Variants in PHF3 observed in about 807,000 individuals in gnomAD.
PHF3 encodes PHD finger protein 3.
Under a neutral mutation model 178.4 loss-of-function variants are expected in PHF3, and 41 were observed. The observed-to-expected ratio is 0.23, with a 90% CI of 0.18 to 0.30. The LOEUF is 0.30. PHF3 is among the 10% of genes least tolerant of loss of function. The pLI is 1.00. For synonymous variants in PHF3, 842 were observed against 800.5 expected, an observed-to-expected ratio of 1.05 and a Z score of -0.88; for missense variants, 2,346 against 2,398.1, an observed-to-expected ratio of 0.98 and a Z score of 0.45.
At chr6:63,693,098 G>A (rs747938483) in intron 5 of PHF3, among the ~76,000 whole-genome samples, 1 of 152,070 alleles carries the variant, frequency 6.6e-6, no homozygotes, top group African/African-American at 2.4e-5. Flanking sequence ...TCTGATACGT[G>A]TTATTACTTT....
chr6:63,695,984 A>G (rs140772437), intron 6 of PHF3, among the ~76,000 whole-genome samples: 48 of 152,304 alleles, frequency 3.2e-4, no homozygotes, highest in Middle Eastern at 6.8e-3. Context: ...GGAGGTTGGT[A>G]TATAAATTTG....
At chr6:63,691,653 T>A (rs530361661) in intron 4 of PHF3, 84 bp from the exon 5 acceptor site, 37 of 1,194,366 alleles carry the variant, frequency 3.1e-5, no homozygotes, top group Non-Finnish European at 4.4e-5. Context: ...AATCAGATAT[T>A]GAAAATTTAA....
Position 63,684,548 on chromosome 6 carries a change from T to C in PHF3, c.826T>C (p.Cys276Arg). 1 of 1,613,760 alleles carries C rather than the reference T, an allele frequency of 6.2e-7. No individual in the cohort carries two copies. Among genetic ancestry groups the C allele is most frequent in the Non-Finnish European group, 8.5e-7 (1 of 1,179,866 alleles). ...AAAGAAAAATGAAGCTTTGATGGAA[T>C]GTAAAGCCAAGCCTGTTGGTAGTCC... Reference protein sequence around the residue: ...GEKKNEALMECKAKPVGSPLF... With the variant: ...GEKKNEALMERKAKPVGSPLF... Residue 276 changes from cysteine to arginine, a missense_variant, in exon 4 of 16, where the codon TGT (cysteine) becomes CGT (arginine). By Grantham distance (180) the Cys-to-Arg change is radical. Coordinates refer to ENST00000262043, the MANE Select transcript of PHF3 (RefSeq NM_001370348.2).
At chr6:63,675,294 A>T (rs1766116769) in intron 2 of PHF3, among the ~76,000 whole-genome samples, 1 of 152,216 alleles carries the variant, frequency 6.6e-6, no homozygotes, top group African/African-American at 2.4e-5. Context: ...AGGCAGGACT[A>T]GTAGGGAGTT....
rs139590391 is a variant in PHF3 at position 63,642,197 on chromosome 6, A to T, written c.-25-4330A>T. Among the ~76,000 whole-genome samples the T allele has an allele frequency of 5.2e-3, 796 of 152,324 alleles. 5 individuals carry two copies. Among genetic ancestry groups the T allele is most frequent in the African/African-American group, 0.018 (757 of 41,568 alleles). On this transcript the variant is annotated intron_variant, in intron 1 of 15. Transcript: ENST00000262043. The stretch of plus-strand genomic sequence containing the variant: ...TAAATGGTCCATCAGGACCAAACTC[A>T]GCCATTCATAATTAAGACATGCTGT...
At chr6:63,698,127 G>A (rs949104402) in intron 6 of PHF3, 96 bp from the exon 7 acceptor site, 1 of 941,360 alleles carries the variant, frequency 1.1e-6, no homozygotes, top group Non-Finnish European at 1.6e-6. Flanking sequence ...TTTCTAAATA[G>A]TGACTTTTAA....
At chr6:63,671,598 G>A (rs1179484329) in intron 2 of PHF3, among the ~76,000 whole-genome samples, 2 of 152,132 alleles carry the variant, frequency 1.3e-5, no homozygotes, top group Non-Finnish European at 2.9e-5. Flanking sequence ...GGCAAGTAAA[G>A]TACATTCCAA....
At chr6:63,651,388 G>A (rs997871856) in intron 2 of PHF3, among the ~76,000 whole-genome samples, 5 of 152,088 alleles carry the variant, frequency 3.3e-5, no homozygotes, top group African/African-American at 7.2e-5. Context: ...TTGAGATGGA[G>A]TTTTTCTCTG....
chr6:63,685,771 A>T lies in PHF3; in HGVS notation c.2049A>T (p.Leu683Phe), dbSNP rs1243500338. 1 of 1,614,146 alleles carries T rather than the reference A, an allele frequency of 6.2e-7. No individual in the cohort carries two copies. ...GAAGAAGCAGCAAAAGTTTTTCTTTAGATGAGCCACCATTGTTCATTCCAG... is the reference window on the plus strand; with the variant it reads ...GAAGAAGCAGCAAAAGTTTTTCTTTTGATGAGCCACCATTGTTCATTCCAG... ...RQRRSSKSFS[L>F]DEPPLFIPDN... is the part of the protein sequence containing the mutation. Residue 683 changes from leucine to phenylalanine, a missense_variant, in exon 4 of 16, where the codon TTA becomes TTT. Transcript: ENST00000262043.
At chr6:63,638,919 A>G (rs560570099) in intron 1 of PHF3, among the ~76,000 whole-genome samples, 2 of 152,294 alleles carry the variant, frequency 1.3e-5, no homozygotes, top group Admixed American at 1.3e-4. Context: ...TATTGAGAGT[A>G]TTGATGTGAT....
At chr6:63,653,205 A>AT (rs578059095) in intron 2 of PHF3, among the ~76,000 whole-genome samples, 71 of 104,558 alleles carry the variant, frequency 6.8e-4, no homozygotes, top group East Asian at 2.6e-3. Context: ...GGTTTTGGGG[A>AT]TTTTTTTTTC....
intron 2 of PHF3, among the ~76,000 whole-genome samples, chr6:63,653,275 C>T (rs1346444374): frequency 6.6e-6 from 1 of 150,974 alleles, no homozygotes; most frequent in African/African-American, 2.4e-5. Context: ...CTATACACTG[C>T]TTTTGGTAGG....
intron 2 of PHF3, among the ~76,000 whole-genome samples, chr6:63,652,363 T>C (rs1765053459): frequency 6.6e-6 from 1 of 152,206 alleles, no homozygotes; most frequent in African/African-American, 2.4e-5. Context: ...CTTTTCAGCT[T>C]ATTTGCTCAT....
chr6:63,681,313 C>G (rs929826763), intron 3 of PHF3, among the ~76,000 whole-genome samples: 5 of 151,886 alleles, frequency 3.3e-5, no homozygotes, highest in African/African-American at 1.2e-4. Context: ...GTATGGAGCT[C>G]AAGACACTCA....
chr6:63,650,296 A>G (rs1338152735), intron 2 of PHF3, among the ~76,000 whole-genome samples: 1 of 152,222 alleles, frequency 6.6e-6, no homozygotes, highest in South Asian at 2.1e-4. Flanking sequence ...TAGCAAAATC[A>G]TCATTCACTT....
At chr6:63,689,091 T>C (rs1766879199) in intron 4 of PHF3, among the ~76,000 whole-genome samples, 1 of 152,226 alleles carries the variant, frequency 6.6e-6, no homozygotes, top group Non-Finnish European at 1.5e-5. Flanking sequence ...AAGCAACATA[T>C]GCTAGATTTT....
In PHF3 at chr6:63,713,968, T is replaced by A; in HGVS notation, c.*260T>A. 1 of 317,526 alleles carries A rather than the reference T, an allele frequency of 3.1e-6. No homozygotes were observed. 19.7% of individuals were successfully genotyped at this position (317,526 alleles called of 1,614,324 possible). A position where few individuals can be genotyped will look rare whatever the true frequency, so the allele number is the denominator to read the frequency against. On this transcript the variant is annotated 3_prime_UTR_variant, in exon 16 of 16. Coordinates refer to ENST00000262043, the MANE Select transcript of PHF3 (RefSeq NM_001370348.2). ...ATTGCTGTATATTCAAAGATTTGTT[T>A]TATTAATATGCAATAAAGGCTTAGA...
intron 9 of PHF3, among the ~76,000 whole-genome samples, chr6:63,701,963 C>T (rs1193993389): frequency 3.9e-5 from 6 of 152,160 alleles, no homozygotes; most frequent in Non-Finnish European, 2.9e-5. Flanking sequence ...TACCTTTATA[C>T]TACTACTTGT....
In PHF3 at chr6:63,714,109, T is replaced by C. The variant is rs1433004571; in HGVS notation, c.*401T>C. ...TTGGGAGTAATGTGTGCTCTGTAAG[T>C]TTGTTTTAAATTGCACTGTTTTTAA... On this transcript the variant is annotated 3_prime_UTR_variant, in exon 16 of 16. Coordinates refer to ENST00000262043, the MANE Select transcript of PHF3 (RefSeq NM_001370348.2). The C allele has an allele frequency of 6.4e-6, 1 of 155,534 alleles. No individual in the cohort carries two copies. Among genetic ancestry groups the C allele is most frequent in the Non-Finnish European group, 1.4e-5 (1 of 70,200 alleles). The allele number at this position is 155,534 out of a possible 1,614,324, so 9.6% of individuals were successfully genotyped here.
Sources: allele counts gnomAD v4.1 joint callset (sites outside exome capture counted in the v4.1 genomes callset), GRCh38; gene constraint gnomAD v4.1.1; transcripts MANE v1.5; gene names NCBI Gene and HGNC (gene_info 2026-07-23, HGNC 2026-07-21).